KAZN: variants seen among roughly 807,000 people sequenced by gnomAD.
KAZN encodes kazrin.
In KAZN, 40 loss-of-function variants were observed where a neutral mutation model predicts 87.4. That is an observed-to-expected ratio of 0.46 (90% CI 0.36 to 0.60). The LOEUF is 0.60. Among genes scored for constraint, KAZN ranks in the 20% least tolerant of loss-of-function variants. The pLI, the probability that KAZN is intolerant of heterozygous loss-of-function variation, is 0.00. For synonymous variants in KAZN, 466 were observed against 458.3 expected (o/e 1.02, Z -0.22); for missense variants, 898 against 1,073.9 (o/e 0.84, Z 2.29).
In KAZN at chr1:14,773,713, C is replaced by T. The variant is rs1645087452; in HGVS notation, c.226+174490C>T. Reference sequence around the variant, plus strand: ...CCGGTTACCCATTGGCGTCACTTAGCCTGGCAGTGCTGCTAATGAGGCCTC... The same window carrying T: ...CCGGTTACCCATTGGCGTCACTTAGTCTGGCAGTGCTGCTAATGAGGCCTC... On this transcript the variant is annotated intron_variant, in intron 1 of 14. Transcript: ENST00000376030. The surrounding 1 kb of genome is among the most constrained non-coding windows in gnomAD (Gnocchi z 5.9). Among the ~76,000 whole-genome samples the T allele has an allele frequency of 1.3e-5, 2 of 152,180 alleles. No homozygotes were observed. The highest frequency in any genetic ancestry group is 2.4e-5 in the African/African-American group (1 of 41,450).
chr1:14,753,702 G>A (rs1380444469), intron 1 of KAZN, among the ~76,000 whole-genome samples: 1 of 152,226 alleles, frequency 6.6e-6, no homozygotes, highest in East Asian at 1.9e-4. Context: ...GGGGCAGGCA[G>A]AGCTGAAGGA....
intron 2 of KAZN, among the ~76,000 whole-genome samples, chr1:14,370,000 C>T (rs1329772621): frequency 1.3e-5 from 2 of 152,222 alleles, no homozygotes; most frequent in African/African-American, 4.8e-5. Context: ...CATTCCACCT[C>T]CCCACACGTG....
intron 2 of KAZN, among the ~76,000 whole-genome samples, chr1:14,485,271 C>T (rs548017508): frequency 6.6e-6 from 1 of 152,294 alleles, no homozygotes; most frequent in South Asian, 2.1e-4. Flanking sequence ...TCTCACATTC[C>T]ACTCTTTGCA....
At chr1:14,779,935 T>C (rs139914504) in intron 1 of KAZN, among the ~76,000 whole-genome samples, 1 of 152,366 alleles carries the variant, frequency 6.6e-6, no homozygotes, top group East Asian at 1.9e-4. Flanking sequence ...AATTGCAGTG[T>C]ACCTGGGGTT....
chr1:14,467,708 T>C (rs1278517040), intron 2 of KAZN, among the ~76,000 whole-genome samples: 1 of 141,632 alleles, frequency 7.1e-6, no homozygotes, highest in African/African-American at 2.6e-5. Flanking sequence ...AGACTTTACA[T>C]CGCCCTCAGT....
intron 2 of KAZN, among the ~76,000 whole-genome samples, chr1:14,306,075 A>C (rs1441712585): frequency 6.6e-6 from 1 of 152,148 alleles, no homozygotes; most frequent in Non-Finnish European, 1.5e-5. Context: ...GAAGACATTA[A>C]ATTGCTTGGC....
At chr1:14,964,208 C>T (rs1236470599) in intron 2 of KAZN, among the ~76,000 whole-genome samples, 1 of 152,172 alleles carries the variant, frequency 6.6e-6, no homozygotes, top group South Asian at 2.1e-4. Context: ...CATTCTTTAA[C>T]CTCCCTGCCC....
chr1:15,018,412 G>T (rs1670341470), intron 2 of KAZN, among the ~76,000 whole-genome samples: 1 of 151,946 alleles, frequency 6.6e-6, no homozygotes, highest in Non-Finnish European at 1.5e-5. Context: ...GGGGGTTGGT[G>T]GTGGCCAGGG....
At chr1:14,748,445 T>G (rs1369475474) in intron 1 of KAZN, among the ~76,000 whole-genome samples, 1 of 152,176 alleles carries the variant, frequency 6.6e-6, no homozygotes, top group Admixed American at 6.5e-5. Context: ...GACCTTCTTC[T>G]GCTGGGAGGA....
rs567286984 is a variant in KAZN, at chr1:14,505,175, A to T, written c.250-93808A>T. On this transcript the variant is annotated intron_variant, in intron 2 of 16. Transcript: ENST00000636203. The stretch of plus-strand genomic sequence containing the variant: ...CCTATTTCCAAGAATAGCCATGCTG[A>T]TGGGCATCTCTTGGTCCCATTCTAA... 5.0e-4 allele frequency among the ~76,000 whole-genome samples: 76 copies of T among 152,288 alleles called. 1 individual carries two copies. Among genetic ancestry groups the T allele is most frequent in the South Asian group, 4.1e-4 (2 of 4,828 alleles).
intron 1 of KAZN, among the ~76,000 whole-genome samples, chr1:14,106,205 G>T (rs1239798858): frequency 1.3e-5 from 2 of 152,154 alleles, no homozygotes; most frequent in African/African-American, 4.8e-5. Context: ...GTATCTGAGG[G>T]TTCTCCAAAG....
intron 2 of KAZN, among the ~76,000 whole-genome samples, chr1:14,216,597 C>CTA (rs1227264679): frequency 6.6e-6 from 1 of 152,104 alleles, no homozygotes; most frequent in Admixed American, 6.6e-5. Flanking sequence ...CTATACTGAA[C>CTA]TATATCCCGA....
chr1:14,373,759 T>C (rs1366354564), intron 2 of KAZN, among the ~76,000 whole-genome samples: 1 of 152,204 alleles, frequency 6.6e-6, no homozygotes, highest in African/African-American at 2.4e-5. Context: ...GTTCCTTCTC[T>C]GACCCCAAGG....
intron 2 of KAZN, among the ~76,000 whole-genome samples, chr1:15,014,996 A>G (rs914721062): frequency 1.3e-5 from 2 of 152,088 alleles, no homozygotes; most frequent in East Asian, 3.8e-4. Flanking sequence ...AATGGGAATC[A>G]TAGTAGTTAA....
chr1:15,029,657 G>A (rs1671491516), intron 2 of KAZN, among the ~76,000 whole-genome samples: 1 of 152,214 alleles, frequency 6.6e-6, no homozygotes. Context: ...GAGGTGCTGG[G>A]GGGGTTCCCC....
At chr1:15,095,381 C>T (rs1640762720) in intron 10 of KAZN, among the ~76,000 whole-genome samples, 1 of 152,168 alleles carries the variant, frequency 6.6e-6, no homozygotes. Flanking sequence ...TTGGTGAAAC[C>T]TCTCCCATAG....
chr1:14,223,730 A>C (rs1471249990), intron 2 of KAZN, among the ~76,000 whole-genome samples: 2 of 152,222 alleles, frequency 1.3e-5, no homozygotes, highest in Non-Finnish European at 2.9e-5. Context: ...TCGACGATGA[A>C]ACTGATACGA....
intron 2 of KAZN, among the ~76,000 whole-genome samples, chr1:14,417,790 A>C (rs1664927455): frequency 6.6e-6 from 1 of 151,826 alleles, no homozygotes; most frequent in Admixed American, 6.6e-5. Flanking sequence ...AGGTCAGGAG[A>C]TCAAGACCAT....
chr1:14,244,038 ATAAAG>A (rs1361318551), intron 2 of KAZN, among the ~76,000 whole-genome samples: 3 of 152,262 alleles, frequency 2.0e-5, no homozygotes, highest in South Asian at 4.1e-4. Flanking sequence ...ATCTTCATAG[ATAAAG>A]TAATAGAAAC....
Sources: gnomAD v4.1 joint callset for allele counts (sites outside exome capture counted in the v4.1 genomes callset) on GRCh38, gnomAD v4.1.1 for gene constraint, Gnocchi (gnomAD v3.1) non-coding constraint, MANE v1.5 for transcripts, NCBI Gene and HGNC (gene_info 2026-07-23, HGNC 2026-07-21) for gene names.